Variants in EPHA10 observed in about 807,000 individuals in gnomAD.
EPHA10 encodes the protein EPH receptor A10, also known as ephrin type-A receptor 10.
A neutral mutation model predicts 109.7 loss-of-function variants in EPHA10; 120 were observed. The ratio of observed to expected loss-of-function variants is 1.09; its 90% confidence interval spans 0.94 to 1.27. The LOEUF (loss-of-function observed/expected upper bound fraction) is 1.27, where lower values mean the gene tolerates loss of function less well. Ranked by LOEUF, EPHA10 falls within the 50% of genes most tolerant of loss-of-function variation. EPHA10 has a pLI of 0.00. For missense variants in EPHA10, 1,396 were observed against 1,411.1 expected (o/e 0.99, Z 0.17); for synonymous variants, 640 against 618.9 (o/e 1.03, Z -0.51).
chr1:37,730,457 G>A (rs1251532762), intron 7 of EPHA10, among the ~76,000 whole-genome samples: 1 of 152,210 alleles, frequency 6.6e-6, no homozygotes, highest in Non-Finnish European at 1.5e-5. Flanking sequence ...TTAGCAGCAG[G>A]CAAAGCAACA....
intron 8 of EPHA10, among the ~76,000 whole-genome samples, chr1:37,725,584 G>A (rs975414823): frequency 7.3e-5 from 11 of 149,744 alleles, no homozygotes; most frequent in Admixed American, 2.0e-4. Context: ...CAGAAGAGAT[G>A]ATCCTTGGGA....
chr1:37,749,841 C>A (rs1646296406), intron 5 of EPHA10, among the ~76,000 whole-genome samples: 1 of 152,146 alleles, frequency 6.6e-6, no homozygotes, highest in Non-Finnish European at 1.5e-5. Context: ...ACAGCATAGC[C>A]TATGACACGC....
At chr1:37,732,913 A>G (rs1448149568) in intron 6 of EPHA10, among the ~76,000 whole-genome samples, 2 of 62,566 alleles carry the variant, frequency 3.2e-5, no homozygotes, top group East Asian at 4.2e-4. Flanking sequence ...TTTTTGAGGC[A>G]GAGTCTTGCT....
intron 5 of EPHA10, among the ~76,000 whole-genome samples, chr1:37,741,072 A>T (rs1026026472): frequency 6.6e-6 from 1 of 152,180 alleles, no homozygotes; most frequent in East Asian, 1.9e-4. Flanking sequence ...TGACTTTTCC[A>T]GTGGTTAGCC....
At chr1:37,738,289 C>T (rs1445717427) in intron 5 of EPHA10, among the ~76,000 whole-genome samples, 1 of 152,010 alleles carries the variant, frequency 6.6e-6, no homozygotes, top group African/African-American at 2.4e-5. Flanking sequence ...ATTGTTTGAA[C>T]CTGGGAGGCA....
At chr1:37,740,018 CAGA>C in intron 5 of EPHA10, among the ~76,000 whole-genome samples, 1 of 152,018 alleles carries the variant, frequency 6.6e-6, no homozygotes, top group Middle Eastern at 3.4e-3. Flanking sequence ...TGCCCAAGAC[CAGA>C]AGGTCAAGGC....
Position 37,721,712 on chromosome 1 carries a change from C to T in EPHA10, c.2094G>A (p.Leu698=), listed in dbSNP as rs1268330134. The change falls in exon 11 of 17, where the codon CTG becomes CTA. Residue 698 remains leucine, a synonymous_variant. Coordinates refer to ENST00000373048, the MANE Select transcript of EPHA10 (RefSeq NM_001099439.2). ...CGATGTGGCTATGGTCAAACTGGCC[C>T]AGCGTGAGGGCCTCGGCCAGGAAGC... ...RLGFLAEALT[L]GQFDHSHIVR... is the part of the protein sequence containing the mutation. 6 of 1,612,286 alleles carry T rather than the reference C, an allele frequency of 3.7e-6. No individual in the cohort carries two copies. The highest frequency in any genetic ancestry group is 1.7e-5 in the Admixed American group (1 of 59,972).
rs771803475 is a variant in EPHA10, at chr1:37,761,806, C to T, written c.449G>A (p.Arg150His). 1.7e-5 allele frequency: 28 copies of T among 1,613,698 alleles called. No homozygotes were observed. The highest frequency in any genetic ancestry group is 4.0e-5 in the African/African-American group (3 of 75,070). The change falls in exon 3 of 17, where the codon CGC (arginine) becomes CAC (histidine). Residue 150 changes from arginine to histidine, a missense_variant. Transcript: ENST00000373048. ...GTCCGCCGCGATCGTGTCGATTTTG[C>T]GGGGCCGGCTGCCGCCTAGGCGGGG... ...GRPRLGGSRP[R>H]KIDTIAADES...
At chr1:37,727,952 G>A (rs1645922264) in intron 7 of EPHA10, among the ~76,000 whole-genome samples, 1 of 152,188 alleles carries the variant, frequency 6.6e-6, no homozygotes, top group Non-Finnish European at 1.5e-5. Context: ...TTAGTACTGA[G>A]GAGAGAGGGG....
At chr1:37,739,688 C>CAAA (rs66804054) in intron 5 of EPHA10, among the ~76,000 whole-genome samples, 19 of 76,630 alleles carry the variant, frequency 2.5e-4, no homozygotes, top group African/African-American at 6.8e-4. Context: ...GACCCTGTCT[C>CAAA]AAAAAAAAAA....
At chr1:37,751,242 G>GAAAAAA (rs34839037) in intron 5 of EPHA10, among the ~76,000 whole-genome samples, 2 of 124,322 alleles carry the variant, frequency 1.6e-5, no homozygotes, top group African/African-American at 6.1e-5. Flanking sequence ...AAAAGAAAAA[G>GAAAAAA]AAAAAAAAAA....
chr1:37,734,642 G>A, intron 6 of EPHA10: 1 of 456,134 alleles, frequency 2.2e-6, no homozygotes, highest in South Asian at 1.5e-5. Flanking sequence ...TGCAACCACA[G>A]ATTGACAATG....
chr1:37,762,054 G>T lies in EPHA10; in HGVS notation c.201C>A (p.His67Gln). 6.2e-7 allele frequency: 1 copy of T among 1,601,436 alleles called. No homozygotes were observed. Among genetic ancestry groups the T allele is most frequent in the Non-Finnish European group, 8.5e-7 (1 of 1,172,302 alleles). The change falls in exon 3 of 17, where the codon CAC becomes CAA. Residue 67 changes from histidine to glutamine, a missense_variant. By Grantham distance (24) the His-to-Gln change is conservative. Transcript: ENST00000373048. ...GWEEISGVDE[H>Q]DRPIRTYQVC... is the part of the protein sequence containing the mutation. ...CTTGGTACGTGCGGATGGGACGGTC[G>T]TGTTCATCCACGCCGCTGATCTCCT...
At chr1:37,746,110 T>G (rs1646238010) in intron 5 of EPHA10, among the ~76,000 whole-genome samples, 2 of 150,030 alleles carry the variant, frequency 1.3e-5, no homozygotes, top group South Asian at 4.2e-4. Flanking sequence ...TCTTTTTTTT[T>G]TTTTTTTGAG....
chr1:37,760,768 A>G, intron 3 of EPHA10: 1 of 192,726 alleles, frequency 5.2e-6, no homozygotes, highest in Non-Finnish European at 1.1e-5. Context: ...CTGTTTCTTC[A>G]TCTGTGAAAT....
chr1:37,719,385 G>A, intron 15 of EPHA10, 29 bp downstream of exon 15: 1 of 1,600,382 alleles, frequency 6.2e-7, no homozygotes, highest in Non-Finnish European at 8.5e-7. Flanking sequence ...GGACAGGTGA[G>A]AGGCTGGCTG....
intron 5 of EPHA10, 55 bp downstream of exon 5, chr1:37,752,821 G>A: frequency 2.5e-6 from 3 of 1,184,458 alleles, no homozygotes; most frequent in East Asian, 3.3e-5. Context: ...GCCCCAAGAG[G>A]GCGCAGGGGC....
At chr1:37,722,748 C>T in intron 10 of EPHA10, 1 of 528,706 alleles carries the variant, frequency 1.9e-6, no homozygotes, top group South Asian at 1.7e-5. Context: ...GGCCCCTCCC[C>T]ACTGCCCCAT....
chr1:37,734,571 T>C, intron 6 of EPHA10: 1 of 451,966 alleles, frequency 2.2e-6, no homozygotes, highest in African/African-American at 2.0e-5. Context: ...ATAAAGGTAA[T>C]AAACTTACGG....
Sources: allele counts gnomAD v4.1 joint callset (sites outside exome capture counted in the v4.1 genomes callset), GRCh38; gene constraint gnomAD v4.1.1; transcripts MANE v1.5; gene names NCBI Gene and HGNC (gene_info 2026-07-23, HGNC 2026-07-21).